TAFA1: variants seen among roughly 807,000 people sequenced by gnomAD.
The protein encoded by TAFA1 is TAFA chemokine like family member 1.
TAFA1 carries 4 observed loss-of-function variants against 18.5 expected under a neutral mutation model. The ratio of observed to expected loss-of-function variants is 0.22; its 90% CI spans 0.11 to 0.49. TAFA1 has a LOEUF of 0.49. Ranked by LOEUF, TAFA1 falls within the 20% of genes least tolerant of loss-of-function variation. The pLI is 0.98. For missense variants in TAFA1, 147 were observed against 169.0 expected (o/e 0.87, Z 0.72); for synonymous variants, 56 against 55.2 (o/e 1.01, Z -0.06).
chr3:68,110,919 C>T lies in TAFA1; in HGVS notation c.118+104175C>T, dbSNP rs930431620. ...TGGGATCCTGAAAGGTGGGTGGTTCCCTGGGAACAAGGATGAACCAAAGGT... is the reference window on the plus strand; with the variant it reads ...TGGGATCCTGAAAGGTGGGTGGTTCTCTGGGAACAAGGATGAACCAAAGGT... On this transcript the variant is annotated intron_variant, in intron 2 of 4. Coordinates refer to ENST00000478136, the MANE Select transcript of TAFA1 (RefSeq NM_213609.4). Among the ~76,000 whole-genome samples the T allele has an allele frequency of 2.0e-5, 3 of 152,164 alleles. No homozygotes were observed. In the East Asian group the frequency reaches 5.8e-4, roughly 29 times the overall value.
intron 2 of TAFA1, among the ~76,000 whole-genome samples, chr3:68,275,645 C>G (rs1394992867): frequency 6.6e-6 from 1 of 151,714 alleles, no homozygotes; most frequent in Non-Finnish European, 1.5e-5. Context: ...TGAGGAATGT[C>G]CTCTCTGAGG....
intron 2 of TAFA1, among the ~76,000 whole-genome samples, chr3:68,318,577 G>A (rs1575773410): frequency 1.3e-5 from 2 of 152,116 alleles, no homozygotes; most frequent in African/African-American, 2.4e-5. Context: ...TCTCCTGACC[G>A]TCCATCAAAT....
In TAFA1 at chr3:68,471,802, A is replaced by G. The variant is rs929528510; in HGVS notation, c.259+54382A>G. ...TGCATCCTTCAATCCTATCAAGTTGACATTCAATATTAACCATCACAGTGT... is the reference window on the plus strand; with the variant it reads ...TGCATCCTTCAATCCTATCAAGTTGGCATTCAATATTAACCATCACAGTGT... On this transcript the variant is annotated intron_variant, in intron 3 of 4. Coordinates refer to ENST00000478136, the MANE Select transcript of TAFA1 (RefSeq NM_213609.4). Among the ~76,000 whole-genome samples the G allele has an allele frequency of 2.8e-4, 42 of 152,306 alleles. 1 individual carries two copies. Among genetic ancestry groups the G allele is most frequent in the African/African-American group, 1.0e-3 (42 of 41,572 alleles).
chr3:68,204,544 T>C (rs963606885), intron 2 of TAFA1, among the ~76,000 whole-genome samples: 1 of 151,796 alleles, frequency 6.6e-6, no homozygotes, highest in African/African-American at 2.4e-5. Flanking sequence ...TTTTTATAGA[T>C]AGTTCTGAAT....
At chr3:68,160,712 C>T (rs540396382) in intron 2 of TAFA1, among the ~76,000 whole-genome samples, 13 of 152,300 alleles carry the variant, frequency 8.5e-5, no homozygotes, top group African/African-American at 2.2e-4. Flanking sequence ...ATTTCCCTAC[C>T]GTCACATAGT....
At chr3:68,103,900 T>C (rs1186026934) in intron 2 of TAFA1, among the ~76,000 whole-genome samples, 1 of 152,138 alleles carries the variant, frequency 6.6e-6, no homozygotes, top group African/African-American at 2.4e-5. Flanking sequence ...TTCTCGAATC[T>C]CAGAGTTCCT....
chr3:68,169,476 T>C (rs1463990525), intron 2 of TAFA1, among the ~76,000 whole-genome samples: 2 of 152,266 alleles, frequency 1.3e-5, no homozygotes, highest in Non-Finnish European at 2.9e-5. Context: ...ACAGAAACCA[T>C]GCAGCAATAG....
intron 2 of TAFA1, among the ~76,000 whole-genome samples, chr3:68,032,239 AT>A (rs1319204298): frequency 1.3e-5 from 2 of 152,158 alleles, no homozygotes; most frequent in African/African-American, 4.8e-5. Context: ...ATAGACAAAC[AT>A]TTTCTCTAGA....
chr3:68,224,318 T>A lies in TAFA1; in HGVS notation c.119-192962T>A, dbSNP rs575714966. ...CTTTCCCCTCCACACACCTGCTGAT[T>A]TAGCTTTTCTTCAAGGATAAGGGGT... On this transcript the variant is annotated intron_variant, in intron 2 of 4. Transcript: ENST00000478136. 2.0e-5 allele frequency among the ~76,000 whole-genome samples: 3 copies of A among 152,218 alleles called. No individual in the cohort carries two copies. In the South Asian group the frequency reaches 6.2e-4, roughly 32 times the overall value.
chr3:68,061,939 G>A (rs1185123048), intron 2 of TAFA1, among the ~76,000 whole-genome samples: 1 of 152,034 alleles, frequency 6.6e-6, no homozygotes, highest in Non-Finnish European at 1.5e-5. Flanking sequence ...TTTTTATTGG[G>A]AAATGTAGAA....
intron 2 of TAFA1, among the ~76,000 whole-genome samples, chr3:68,340,857 T>C (rs1213601962): frequency 6.6e-6 from 1 of 152,236 alleles, no homozygotes; most frequent in Non-Finnish European, 1.5e-5. Context: ...TGTATTCACA[T>C]TTCCTTAATC....
chr3:68,078,511 T>A (rs1398838078), intron 2 of TAFA1, among the ~76,000 whole-genome samples: 2 of 152,206 alleles, frequency 1.3e-5, no homozygotes, highest in Non-Finnish European at 2.9e-5. Flanking sequence ...TTGAGAGTTT[T>A]TAGCATGAAG....
At chr3:68,028,699 T>C (rs553535918) in intron 2 of TAFA1, among the ~76,000 whole-genome samples, 5 of 152,092 alleles carry the variant, frequency 3.3e-5, no homozygotes, top group Admixed American at 6.6e-5. Flanking sequence ...TCATGTTACC[T>C]GTTCATCTTC....
intron 2 of TAFA1, among the ~76,000 whole-genome samples, chr3:68,053,757 G>T (rs1221776870): frequency 6.6e-6 from 1 of 152,142 alleles, no homozygotes; most frequent in Non-Finnish European, 1.5e-5. Context: ...AGGCTGAAGT[G>T]TAGTGATGCA....
At chr3:68,422,521 C>G (rs2070974565) in intron 3 of TAFA1, among the ~76,000 whole-genome samples, 1 of 152,024 alleles carries the variant, frequency 6.6e-6, no homozygotes, top group South Asian at 2.1e-4. Context: ...AAGAGAATAG[C>G]TATCATTTTA....
chr3:68,345,032 C>CAA (rs551579012), intron 2 of TAFA1, among the ~76,000 whole-genome samples: 8,428 of 141,066 alleles, frequency 0.06, 342 homozygotes, highest in East Asian at 0.19. Flanking sequence ...GGCCCTATCT[C>CAA]AAAAAAAAAA....
intron 2 of TAFA1, among the ~76,000 whole-genome samples, chr3:68,109,091 C>G (rs2065235868): frequency 1.3e-5 from 2 of 151,782 alleles, no homozygotes; most frequent in African/African-American, 2.4e-5. Flanking sequence ...TAAAGTTTTT[C>G]TCTATTATGG....
intron 3 of TAFA1, among the ~76,000 whole-genome samples, chr3:68,490,767 T>C (rs1361118164): frequency 6.6e-6 from 1 of 152,146 alleles, no homozygotes; most frequent in African/African-American, 2.4e-5. Flanking sequence ...TAATTTCTAA[T>C]GCAGTAAATA....
intron 2 of TAFA1, among the ~76,000 whole-genome samples, chr3:68,240,768 T>A (rs1049222774): frequency 6.6e-6 from 1 of 152,172 alleles, no homozygotes; most frequent in Non-Finnish European, 1.5e-5. Context: ...AGCGCTGTAA[T>A]TTTTACAAAG....
Sources: allele counts gnomAD v4.1 joint callset (sites outside exome capture counted in the v4.1 genomes callset), GRCh38; gene constraint gnomAD v4.1.1; transcripts MANE v1.5; gene names NCBI Gene and HGNC (gene_info 2026-07-23, HGNC 2026-07-21).